FLAD1: variants seen among roughly 807,000 people sequenced by gnomAD.
The protein encoded by FLAD1 is bifunctional FAD diphosphatase/FAD synthase.
FLAD1 carries 35 observed loss-of-function variants against 55.0 expected under a neutral mutation model. The ratio of observed to expected loss-of-function variants is 0.64; its 90% CI spans 0.49 to 0.84. The LOEUF (loss-of-function observed/expected upper bound fraction) is 0.84. FLAD1 is among the 40% of genes least tolerant of loss of function. The pLI is 0.00. For synonymous variants in FLAD1, 267 were observed against 303.0 expected, an observed-to-expected ratio of 0.88 and a Z score of 1.23; for missense variants, 665 against 742.6, an observed-to-expected ratio of 0.90 and a Z score of 1.21.
At chr1:154,992,078 G>C (rs1248281924) in intron 5 of FLAD1, among the ~76,000 whole-genome samples, 1 of 149,426 alleles carries the variant, frequency 6.7e-6, no homozygotes, top group Non-Finnish European at 1.5e-5. Flanking sequence ...GGGAAGCGGA[G>C]GTTGCAGTGA....
rs757139627 is a variant in FLAD1, at chr1:154,992,942, C to T, written c.1669C>T (p.Pro557Ser). 1 of 1,614,058 alleles carries T rather than the reference C, an allele frequency of 6.2e-7. No individual in the cohort carries two copies. Among genetic ancestry groups the T allele is most frequent in the African/African-American group, 1.3e-5 (1 of 74,982 alleles). ...LGSRENTVRN[P>S]ALKCLSPGGH... ...GAGTCGGGAGAATACCGTGCGGAAC[C>T]CGGCCCTGAAGTGCCTGAGCCCAGG... is the stretch of plus-strand genomic sequence containing the variant. The change falls in exon 7 of 7, where the codon CCG becomes TCG. Residue 557 changes from proline to serine, a missense_variant. Coordinates refer to ENST00000292180, the MANE Select transcript of FLAD1 (RefSeq NM_025207.5).
intron 5 of FLAD1, among the ~76,000 whole-genome samples, chr1:154,991,411 G>A (rs1336272677): frequency 4.7e-5 from 7 of 150,318 alleles, no homozygotes; most frequent in Non-Finnish European, 8.9e-5. Context: ...AAAAATTAGC[G>A]GAGCGTGGTG....
intron 5 of FLAD1, chr1:154,990,946 TC>T (rs1657829433): frequency 6.6e-6 from 1 of 152,494 alleles, no homozygotes; most frequent in South Asian, 2.1e-4. Context: ...GCGCAGTGGC[TC>T]ACGCCTGTAA....
chr1:154,990,106 G>C, intron 3 of FLAD1, 53 bp from the exon 4 acceptor site: 3 of 1,403,490 alleles, frequency 2.1e-6, no homozygotes, highest in Non-Finnish European at 3.0e-6. Flanking sequence ...TGTTTCAGGG[G>C]AGCCATTTCC....
Position 154,989,578 on chromosome 1 carries a change from A to G in FLAD1, c.1136A>G (p.Lys379Arg). The change falls in exon 3 of 7, where the codon AAG becomes AGG. Residue 379 changes from lysine to arginine, a missense_variant. By Grantham distance (26) the Lys-to-Arg change is conservative (BLOSUM62 2). Coordinates refer to ENST00000292180, the MANE Select transcript of FLAD1 (RefSeq NM_025207.5). Reference sequence around the variant, plus strand: ...TTGGCAGGGTCTTCTTTGGGGAAAAAGGTGGCAGGTGCCCTACAGACCATT... The same window carrying G: ...TTGGCAGGGTCTTCTTTGGGGAAAAGGGTGGCAGGTGCCCTACAGACCATT... ...LAESGSSLGKKVAGALQTIET... is the reference protein window; with the variant it reads ...LAESGSSLGKRVAGALQTIET... 1.9e-6 allele frequency: 3 copies of G among 1,577,602 alleles called. No individual in the cohort carries two copies. The highest frequency in any genetic ancestry group is 2.3e-5 in the East Asian group (1 of 42,910).
rs2089248 is a variant in FLAD1, at chr1:154,989,230, A to G, written c.1118-330A>G. On this transcript the variant is annotated intron_variant, in intron 2 of 6. Coordinates refer to ENST00000292180, the MANE Select transcript of FLAD1 (RefSeq NM_025207.5). ...TAAACTGAGTGATAAGGAGGATTTG[A>G]TCAGTTCAGTAGGTGGGCAAGAGCC... Among the ~76,000 whole-genome samples, 14,941 of 152,162 alleles carry G rather than the reference A, an allele frequency of 0.098. 1,610 individuals are homozygous for G. The highest frequency in any genetic ancestry group is 0.27 in the African/African-American group (11,311 of 41,442).
chr1:154,989,425 G>T, intron 2 of FLAD1, 135 bp from the exon 3 acceptor site: 3 of 897,764 alleles, frequency 3.3e-6, no homozygotes, highest in Non-Finnish European at 4.9e-6. Flanking sequence ...CTAGCGGGCA[G>T]CATGAAGGAG....
At chr1:154,985,951 CCT>C (rs1170185283) in intron 1 of FLAD1, among the ~76,000 whole-genome samples, 1 of 151,062 alleles carries the variant, frequency 6.6e-6, no homozygotes, top group African/African-American at 2.4e-5. Flanking sequence ...GTCTCGAACT[CCT>C]GACCTCAGGT....
Position 154,993,055 on chromosome 1 carries a change from G to A in FLAD1, c.*18G>A, listed in dbSNP as rs752753494. The stretch of plus-strand genomic sequence containing the variant: ...GCACATGACCTCCCACCCTAGGAGG[G>A]AGGGAAGGACACCGTCCTAGGGTAT... On this transcript the variant is annotated 3_prime_UTR_variant, in exon 7 of 7. Coordinates refer to ENST00000292180, the MANE Select transcript of FLAD1 (RefSeq NM_025207.5). 6.2e-7 allele frequency: 1 copy of A among 1,612,594 alleles called. No homozygotes were observed. Among genetic ancestry groups the A allele is most frequent in the Non-Finnish European group, 8.5e-7 (1 of 1,178,868 alleles).
In FLAD1 at chr1:154,988,167, G is replaced by C; in HGVS notation, c.435G>C (p.Gln145His). 1 of 1,614,208 alleles carries C rather than the reference G, an allele frequency of 6.2e-7. No homozygotes were observed. The highest frequency in any genetic ancestry group is 1.1e-5 in the South Asian group (1 of 91,086). Residue 145 changes from glutamine to histidine, a missense_variant, in exon 2 of 7, where the codon CAG becomes CAC. Physicochemically the swap from Gln to His is conservative, Grantham distance 24. Coordinates refer to ENST00000292180, the MANE Select transcript of FLAD1 (RefSeq NM_025207.5). ...LCRTLRSLGVQVCRVSVVPDE... is the reference protein window; with the variant it reads ...LCRTLRSLGVHVCRVSVVPDE... ...GGACACTGCGCTCCCTAGGGGTCCA[G>C]GTTTGCCGAGTCTCAGTTGTACCTG...
At chr1:154,990,100 T>G in intron 3 of FLAD1, 59 bp from the exon 4 acceptor site, 1 of 1,368,698 alleles carries the variant, frequency 7.3e-7, no homozygotes, top group Non-Finnish European at 1.0e-6. Context: ...GTGAGCTGTT[T>G]CAGGGGAGCC....
Position 154,983,981 on chromosome 1 carries a change from G to A in FLAD1, c.287G>A (p.Arg96Lys), listed in dbSNP as rs1239160998. The A allele has an allele frequency of 6.5e-7, 1 of 1,550,196 alleles. No individual in the cohort carries two copies. The highest frequency in any genetic ancestry group is 1.2e-5 in the South Asian group (1 of 82,722). The change falls in exon 1 of 7, where the codon AGG becomes AAG. Residue 96 changes from arginine (R) to lysine (K), a missense_variant. By Grantham distance (26) the Arg-to-Lys change is conservative (BLOSUM62 2). Transcript: ENST00000292180. ...WRALQRGREG[R>K]TMTSRASELS... Reference sequence around the variant, plus strand: ...GCCTTGCAGAGGGGCAGAGAAGGCAGGACCATGACATCTAGGGCCTCTGAA... The same window carrying A: ...GCCTTGCAGAGGGGCAGAGAAGGCAAGACCATGACATCTAGGGCCTCTGAA...
rs1657419807 is a variant in FLAD1, at chr1:154,983,551, T to TA, written c.-143dup. The TA allele has an allele frequency of 2.5e-6, 2 of 787,780 alleles. No homozygotes were observed. Among genetic ancestry groups the TA allele is most frequent in the African/African-American group, 3.5e-5 (2 of 57,532 alleles). The allele number at this position is 787,780 out of a possible 1,614,324, so 48.8% of individuals were successfully genotyped here. Reference sequence around the variant, plus strand: ...AAAAGGGCCAAGGCCCAGGATAAGGTAGACATTTAAAGGGGTACGGATGCC... The same window carrying TA: ...AAAAGGGCCAAGGCCCAGGATAAGGTAAGACATTTAAAGGGGTACGGATGCC... On this transcript the variant is annotated 5_prime_UTR_variant, in exon 1 of 7. Transcript: ENST00000292180.
chr1:154,989,101 A>G, intron 2 of FLAD1: 3 of 882,398 alleles, frequency 3.4e-6, no homozygotes, highest in Non-Finnish European at 5.0e-6. Context: ...TTAACAAAAA[A>G]AGATGGACAT....
chr1:154,988,048 A>G (rs527449937), intron 1 of FLAD1, 57 bp from the exon 2 acceptor site: 16 of 1,612,778 alleles, frequency 9.9e-6, no homozygotes, highest in African/African-American at 2.7e-5. Flanking sequence ...ATCATCTTCA[A>G]CCCCTCCCCT....
chr1:154,989,127 G>GTTT (rs1463688090), intron 2 of FLAD1: 1 of 723,110 alleles, frequency 1.4e-6, no homozygotes, highest in Admixed American at 3.0e-5. Context: ...AGGTGATCCT[G>GTTT]CATGGGGTGA....
intron 2 of FLAD1, 129 bp downstream of exon 2, chr1:154,988,978 C>A: frequency 6.7e-7 from 1 of 1,499,620 alleles, no homozygotes; most frequent in Non-Finnish European, 8.9e-7. Context: ...TCTGTTAATT[C>A]ATTATTCTTC....
In FLAD1 at chr1:154,990,452, C is replaced by G. The variant is rs1193164333; in HGVS notation, c.1478C>G (p.Pro493Arg). 1 of 1,614,182 alleles carries G rather than the reference C, an allele frequency of 6.2e-7. No homozygotes were observed. Among genetic ancestry groups the G allele is most frequent in the South Asian group, 1.1e-5 (1 of 91,086 alleles). ...CTTATGGGCACCCGCCGGACTGACC[C>G]CTACTCCTGTAGCCTCTGCCCTTTC... ...AVLMGTRRTD[P>R]YSCSLCPFSP... is the part of the protein sequence containing the mutation. Residue 493 changes from proline to arginine, a missense_variant, in exon 5 of 7, where the codon CCC becomes CGC. Physicochemically the swap from Pro to Arg is moderately radical, Grantham distance 103 (BLOSUM62 -2). Transcript: ENST00000292180.
chr1:154,988,489 C>G lies in FLAD1; in HGVS notation c.757C>G (p.Leu253Val), dbSNP rs1657721282. The G allele has an allele frequency of 1.2e-6, 2 of 1,614,260 alleles. No individual in the cohort carries two copies. The highest frequency in any genetic ancestry group is 4.5e-5 in the East Asian group (2 of 44,890). Residue 253 changes from leucine (L) to valine (V), a missense_variant, in exon 2 of 7, where the codon CTC (leucine) becomes GTC (valine). Coordinates refer to ENST00000292180, the MANE Select transcript of FLAD1 (RefSeq NM_025207.5). ...FPLVSVRNVY[L>V]FPGIPELLRR... The stretch of plus-strand genomic sequence containing the variant: ...TCTGGTCTCCGTCCGAAACGTCTAC[C>G]TCTTCCCAGGCATTCCAGAGCTGCT...
Sources: allele counts gnomAD v4.1 joint callset (sites outside exome capture counted in the v4.1 genomes callset), GRCh38; gene constraint gnomAD v4.1.1; transcripts MANE v1.5; gene names NCBI Gene and HGNC (gene_info 2026-07-23, HGNC 2026-07-21).